The following PECAM1 variants were observed in gnomAD, a reference collection of about 807,000 sequenced individuals.
PECAM1 encodes the protein platelet endothelial cell adhesion molecule.
A neutral mutation model predicts 13.8 loss-of-function variants in PECAM1; 8 were observed. That is an observed-to-expected ratio of 0.58 (90% CI 0.34 to 1.05). The LOEUF (loss-of-function observed/expected upper bound fraction) is 1.05, where lower values mean the gene tolerates loss of function less well. Ranked by LOEUF, PECAM1 falls within the 50% of genes least tolerant of loss-of-function variation. The probability of loss-of-function intolerance (pLI) is 0.03; values close to 1 mark genes in which losing one functional copy is unlikely to be tolerated. For missense variants in PECAM1, 304 were observed against 141.2 expected (o/e 2.15, Z -5.84); for synonymous variants, 136 against 52.6 (o/e 2.58, Z -6.86).
chr17:64,363,253 T>C lies in PECAM1; in HGVS notation c.1112A>G (p.Asp371Gly), dbSNP rs2036027094. 6.3e-6 allele frequency: 3 copies of C among 475,314 alleles called. No homozygotes were observed. Among genetic ancestry groups the C allele is most frequent in the Non-Finnish European group, 1.2e-5 (3 of 259,100 alleles). 29.4% of individuals were successfully genotyped at this position (475,314 alleles called of 1,614,324 possible). Reference protein sequence around the residue: ...KEDTIVSQTQDFTKIASKSDS... With the variant: ...KEDTIVSQTQGFTKIASKSDS... ...CGACTTTGAGGCTATCTTGGTGAAA[T>C]CTTGAGTCTGTGACACAATCGTATC... Residue 371 changes from aspartate (D) to glycine (G), a missense_variant, in exon 6 of 16, where the codon GAT becomes GGT. Coordinates refer to ENST00000563924, the MANE Select transcript of PECAM1 (RefSeq NM_000442.5).
chr17:64,384,091 A>G (rs2143904529), intron 2 of PECAM1, among the ~76,000 whole-genome samples: 2 of 152,312 alleles, frequency 1.3e-5, no homozygotes, highest in South Asian at 4.1e-4. Context: ...AGATCACATC[A>G]TTGCACTCCA....
Position 64,321,926 on chromosome 17 carries a change from CAG to C in PECAM1, c.*1888_*1889del. The C allele has an allele frequency of 2.2e-6, 3 of 1,333,490 alleles. No individual in the cohort carries two copies. The highest frequency in any genetic ancestry group is 3.0e-6 in the Non-Finnish European group (3 of 1,006,414). 82.6% of individuals were successfully genotyped at this position (1,333,490 alleles called of 1,614,324 possible). ...GATCTGGCTGTCCCCAGATCATCAACAGAGACATGAAGGTCGTTAGAGGTCGT... is the reference window on the plus strand; with the variant it reads ...GATCTGGCTGTCCCCAGATCATCAACAGACATGAAGGTCGTTAGAGGTCGT... On this transcript the variant is annotated 3_prime_UTR_variant, in exon 16 of 16. Transcript: ENST00000563924.
intron 14 of PECAM1, among the ~76,000 whole-genome samples, chr17:64,332,850 G>T (rs1039123092): frequency 6.6e-6 from 1 of 152,176 alleles, no homozygotes; most frequent in Non-Finnish European, 1.5e-5. Flanking sequence ...TGAATTCCAG[G>T]CAAATAGAAA....
At chr17:64,340,868 C>T (rs1206303152) in intron 14 of PECAM1, among the ~76,000 whole-genome samples, 3 of 152,032 alleles carry the variant, frequency 2.0e-5, no homozygotes, top group African/African-American at 4.8e-5. Flanking sequence ...GAGGCCGAGG[C>T]GCGCGGATTA....
rs782374148 is a variant in PECAM1 at position 64,319,706 on chromosome 17, A to C, written c.*4110T>G. The C allele has an allele frequency of 6.6e-6, 1 of 151,972 alleles. No individual in the cohort carries two copies. Among genetic ancestry groups the C allele is most frequent in the Non-Finnish European group, 1.5e-5 (1 of 68,002 alleles). The allele number at this position is 151,972 out of a possible 1,614,324, so 9.4% of individuals were successfully genotyped here. On this transcript the variant is annotated 3_prime_UTR_variant, in exon 16 of 16. Transcript: ENST00000563924. ...GCTCACTTGAGGCATTTTTCCCCTT[A>C]CCAGTCGTGCGTTCCCAGAGGAAGG...
rs147892310 is a variant in PECAM1, at chr17:64,326,238, A to G, written c.2188-2393T>C. 3.3e-3 allele frequency among the ~76,000 whole-genome samples: 499 copies of G among 152,290 alleles called. 1 individual carries two copies. Among genetic ancestry groups the G allele is most frequent in the African/African-American group, 0.012 (483 of 41,576 alleles). Reference sequence around the variant, plus strand: ...TCTGGACCCTCCATGTGCACAGGACACTCTGCTGCAGGTGGAACTCAGCAA... The same window carrying G: ...TCTGGACCCTCCATGTGCACAGGACGCTCTGCTGCAGGTGGAACTCAGCAA... On this transcript the variant is annotated intron_variant, in intron 15 of 15. Coordinates refer to ENST00000563924, the MANE Select transcript of PECAM1 (RefSeq NM_000442.5).
intron 6 of PECAM1, among the ~76,000 whole-genome samples, chr17:64,361,022 A>G (rs2035963123): frequency 1.3e-5 from 2 of 150,174 alleles, no homozygotes; most frequent in African/African-American, 4.9e-5. Context: ...GGGTCTCACT[A>G]TGTGCTCAGG....
intron 5 of PECAM1, among the ~76,000 whole-genome samples, chr17:64,369,365 C>T (rs889119453): frequency 1.3e-4 from 20 of 152,202 alleles, no homozygotes; most frequent in Middle Eastern, 6.8e-3. Context: ...AAACATTAAC[C>T]AGTGTTCAGA....
intron 14 of PECAM1, among the ~76,000 whole-genome samples, chr17:64,334,892 T>C (rs2035231690): frequency 6.6e-6 from 1 of 152,034 alleles, no homozygotes; most frequent in Non-Finnish European, 1.5e-5. Context: ...TGCCCACCAA[T>C]GCTGAAAGAT....
intron 15 of PECAM1, among the ~76,000 whole-genome samples, chr17:64,328,459 AC>A (rs2035017081): frequency 6.6e-6 from 1 of 152,124 alleles, no homozygotes; most frequent in African/African-American, 2.4e-5. Flanking sequence ...ACGCTATTCT[AC>A]CAGTGCAGGC....
At chr17:64,348,558 C>A (rs1276246810) in intron 12 of PECAM1, among the ~76,000 whole-genome samples, 2 of 151,910 alleles carry the variant, frequency 1.3e-5, no homozygotes, top group Admixed American at 6.6e-5. Context: ...CAGGTGTGCA[C>A]CACCATGCCC....
In PECAM1 at chr17:64,321,666, T is replaced by C. The variant is rs1598264889; in HGVS notation, c.*2150A>G. 1.7e-6 allele frequency: 1 copy of C among 595,948 alleles called. No homozygotes were observed. The highest frequency in any genetic ancestry group is 2.8e-5 in the South Asian group (1 of 35,968). 36.9% of individuals were successfully genotyped at this position (595,948 alleles called of 1,614,324 possible). On this transcript the variant is annotated 3_prime_UTR_variant, in exon 16 of 16. Transcript: ENST00000563924. ...GTCCCAGCTACCCAGGAAGCTGAGA[T>C]GGGAGGATCGCTTGAGCCCAGGGGT...
intron 14 of PECAM1, among the ~76,000 whole-genome samples, chr17:64,336,358 G>GT (rs2035276083): frequency 6.6e-6 from 1 of 152,114 alleles, no homozygotes; most frequent in Admixed American, 6.6e-5. Flanking sequence ...AGAGGCTGAG[G>GT]ATGAGTGTGA....
In PECAM1 at chr17:64,323,672, G is replaced by C. The variant is rs144700105; in HGVS notation, c.*144C>G. The C allele has an allele frequency of 2.1e-5, 32 of 1,511,550 alleles. No individual in the cohort carries two copies. In the Admixed American group the frequency reaches 3.4e-4, roughly 16 times the overall value. 93.6% of individuals were successfully genotyped at this position (1,511,550 alleles called of 1,614,324 possible). A position where few individuals can be genotyped will look rare whatever the true frequency, so the allele number is the denominator to read the frequency against. On this transcript the variant is annotated 3_prime_UTR_variant, in exon 16 of 16. Coordinates refer to ENST00000563924, the MANE Select transcript of PECAM1 (RefSeq NM_000442.5). ...ACTTAGCAGGATGGATTTAAGAACC[G>C]GCAGCTTAGCCTGAGGAATTGCTGT...
chr17:64,382,096 A>G (rs1022339453), intron 2 of PECAM1, among the ~76,000 whole-genome samples: 18 of 149,076 alleles, frequency 1.2e-4, no homozygotes, highest in Admixed American at 1.2e-3. Context: ...GCAAAACTCC[A>G]TCTCAAAAAA....
At chr17:64,371,005 G>A (rs2036225856) in intron 4 of PECAM1, among the ~76,000 whole-genome samples, 2 of 152,088 alleles carry the variant, frequency 1.3e-5, no homozygotes, top group Non-Finnish European at 2.9e-5. Context: ...AAAAGGGGAA[G>A]GCATCCTTTA....
rs1030601624 is a variant in PECAM1 at position 64,348,294 on chromosome 17, C to T, written c.2073G>A (p.Thr691=). 26 of 475,348 alleles carry T rather than the reference C, an allele frequency of 5.5e-5. No individual in the cohort carries two copies. The highest frequency in any genetic ancestry group is 8.1e-5 in the Non-Finnish European group (21 of 259,064). 29.4% of individuals were successfully genotyped at this position (475,348 alleles called of 1,614,324 possible). A position where few individuals can be genotyped will look rare whatever the true frequency, so the allele number is the denominator to read the frequency against. Residue 691 remains threonine, a synonymous_variant, in exon 13 of 16, where the codon ACG becomes ACA. Coordinates refer to ENST00000563924, the MANE Select transcript of PECAM1 (RefSeq NM_000442.5). ...KEPLNSDVQY[T]EVQVSSAESH... ...ACTCAGCTGAGGACACTTGAACTTC[C>T]GTGTACTGCACGTCTGAGTTCAGAG...
In PECAM1 at chr17:64,329,738, T is replaced by C; in HGVS notation, c.2165-16A>G. On this transcript the variant is annotated splice_polypyrimidine_tract_variant and intron_variant, in intron 14 of 15. Transcript: ENST00000563924. The stretch of plus-strand genomic sequence containing the variant: ...TCCACGGCATCTACAAAACAAAGGA[T>C]GACATGGCAGTGAGCAACGCAAATA... 2.6e-6 allele frequency: 2 copies of C among 768,410 alleles called. No homozygotes were observed. The highest frequency in any genetic ancestry group is 4.9e-5 in the East Asian group (2 of 40,784). The allele number at this position is 768,410 out of a possible 1,614,324, so 47.6% of individuals were successfully genotyped here.
chr17:64,379,898 G>T (rs1292631338), intron 2 of PECAM1, among the ~76,000 whole-genome samples: 2 of 151,762 alleles, frequency 1.3e-5, no homozygotes, highest in Non-Finnish European at 2.9e-5. Context: ...GATGGCATGT[G>T]TCTGTAGTCC....
Sources: allele counts gnomAD v4.1 joint callset (sites outside exome capture counted in the v4.1 genomes callset), GRCh38; gene constraint gnomAD v4.1.1; transcripts MANE v1.5; gene names NCBI Gene and HGNC (gene_info 2026-07-23, HGNC 2026-07-21).